The following PDE4B variants were observed in gnomAD, a reference collection of about 807,000 sequenced individuals.
The protein encoded by PDE4B is 3',5'-cyclic-AMP phosphodiesterase 4B.
Under a neutral mutation model 82.2 loss-of-function variants are expected in PDE4B, and 20 were observed. The ratio of observed to expected loss-of-function variants is 0.24; its 90% CI spans 0.17 to 0.35. PDE4B has a LOEUF of 0.35. Among genes scored for constraint, PDE4B ranks in the 10% least tolerant of loss-of-function variants. The pLI, the probability that PDE4B is intolerant of heterozygous loss-of-function variation, is 1.00. For synonymous variants in PDE4B, 320 were observed against 318.9 expected, an observed-to-expected ratio of 1.00 and a Z score of -0.04; for missense variants, 655 against 907.2, an observed-to-expected ratio of 0.72 and a Z score of 3.57.
intron 3 of PDE4B, among the ~76,000 whole-genome samples, chr1:65,975,158 G>A (rs1196899400): frequency 6.6e-6 from 1 of 152,208 alleles, no homozygotes; most frequent in African/African-American, 2.4e-5. Context: ...GGTGATCTTA[G>A]ATGGAAATGA....
intron 3 of PDE4B, among the ~76,000 whole-genome samples, chr1:66,226,989 C>G (rs964669964): frequency 6.2e-4 from 95 of 152,256 alleles, no homozygotes; most frequent in African/African-American, 2.1e-3. Flanking sequence ...ACAGGACTTG[C>G]TGATGTATTA....
At chr1:66,030,908 T>C (rs1653737259) in intron 3 of PDE4B, among the ~76,000 whole-genome samples, 1 of 152,136 alleles carries the variant, frequency 6.6e-6, no homozygotes, top group Admixed American at 6.5e-5. Flanking sequence ...GGGCTAAGCA[T>C]TTAATACTCA....
At chr1:66,113,557 G>A (rs1162342307) in intron 3 of PDE4B, among the ~76,000 whole-genome samples, 1 of 152,044 alleles carries the variant, frequency 6.6e-6, no homozygotes, top group Non-Finnish European at 1.5e-5. Context: ...GCATAAACAT[G>A]AATAAGAAAA....
intron 3 of PDE4B, among the ~76,000 whole-genome samples, chr1:66,172,326 C>T (rs1646852905): frequency 6.6e-6 from 1 of 152,080 alleles, no homozygotes; most frequent in South Asian, 2.1e-4. Flanking sequence ...GTATATGTAC[C>T]ACATTTTCTT....
chr1:66,096,000 C>A (rs149794732), intron 3 of PDE4B, among the ~76,000 whole-genome samples: 5 of 151,840 alleles, frequency 3.3e-5, no homozygotes, highest in African/African-American at 1.2e-4. Context: ...CATTATCCTC[C>A]TAACTTATCA....
intron 9 of PDE4B, among the ~76,000 whole-genome samples, chr1:66,357,921 T>C (rs17128828): frequency 0.041 from 6,218 of 152,246 alleles, 354 homozygotes; most frequent in African/African-American, 0.13. Context: ...AGATTCTCTG[T>C]GGTGAACCCT....
At chr1:65,851,891 G>A (rs1032724698) in intron 1 of PDE4B, among the ~76,000 whole-genome samples, 1 of 151,960 alleles carries the variant, frequency 6.6e-6, no homozygotes, top group African/African-American at 2.4e-5. Context: ...TGTTAGAAGA[G>A]TTTTTGATAG....
In PDE4B at chr1:66,089,522, G is replaced by T. The variant is rs548818246; in HGVS notation, c.282-157938G>T. 2.8e-3 allele frequency among the ~76,000 whole-genome samples: 432 copies of T among 152,148 alleles called. 5 individuals carry two copies. Among genetic ancestry groups the T allele is most frequent in the Non-Finnish European group, 4.8e-3 (324 of 67,978 alleles). Reference sequence around the variant, plus strand: ...TCACATTTATTAATGGCTGTCTTTAGATAAAGTTGTAAAATTAATTCACCT... The same window carrying T: ...TCACATTTATTAATGGCTGTCTTTATATAAAGTTGTAAAATTAATTCACCT... On this transcript the variant is annotated intron_variant, in intron 3 of 16. Coordinates refer to ENST00000341517, the MANE Select transcript of PDE4B (RefSeq NM_002600.4).
At chr1:66,034,934 G>A (rs1488800801) in intron 3 of PDE4B, among the ~76,000 whole-genome samples, 6 of 151,996 alleles carry the variant, frequency 3.9e-5, no homozygotes, top group Non-Finnish European at 5.9e-5. Flanking sequence ...GTGAGGATGG[G>A]GGACTGTTTA....
chr1:66,257,423 T>C (rs1412970407), intron 4 of PDE4B: 2 of 742,752 alleles, frequency 2.7e-6, no homozygotes, highest in Non-Finnish European at 5.0e-6. Flanking sequence ...CTTTTATGTG[T>C]AGTCACTGTA....
chr1:66,332,388 T>C, intron 7 of PDE4B, 120 bp from the exon 8 acceptor site: 1 of 1,613,686 alleles, frequency 6.2e-7, no homozygotes, highest in Non-Finnish European at 8.5e-7. Flanking sequence ...AGCGTGCAAA[T>C]AATGAAGGAG....
intron 3 of PDE4B, among the ~76,000 whole-genome samples, chr1:66,009,187 G>T (rs1652327044): frequency 6.6e-6 from 1 of 152,084 alleles, no homozygotes; most frequent in Admixed American, 6.6e-5. Flanking sequence ...AGAAATCTTG[G>T]AGTCTTGCAT....
chr1:66,351,984 C>T (rs1181300215), intron 8 of PDE4B, among the ~76,000 whole-genome samples: 4 of 152,180 alleles, frequency 2.6e-5, no homozygotes, highest in African/African-American at 4.8e-5. Context: ...CACCCCCCGC[C>T]GTCTGCTCCT....
At chr1:65,942,350 C>T (rs1441964122) in intron 3 of PDE4B, among the ~76,000 whole-genome samples, 2 of 151,932 alleles carry the variant, frequency 1.3e-5, no homozygotes, top group East Asian at 3.9e-4. Context: ...TCACAAATGA[C>T]AGAAATTCCT....
chr1:65,881,448 T>C (rs889261889), intron 1 of PDE4B, among the ~76,000 whole-genome samples: 1 of 152,172 alleles, frequency 6.6e-6, no homozygotes, highest in Non-Finnish European at 1.5e-5. Flanking sequence ...CAGACCTGCT[T>C]CCTGTCCTCA....
chr1:66,252,703 T>C lies in PDE4B; in HGVS notation c.477-4944T>C, dbSNP rs1339154271. 4.6e-5 allele frequency among the ~76,000 whole-genome samples: 7 copies of C among 152,272 alleles called. 1 individual carries two copies. The South Asian group carries it at 1.2e-3, about 27-fold the overall frequency. ...GTGGTGGCCTGTAATCCCAGCACTT[T>C]GGGAGGCTAAGGTGGGTGGATCGCT... On this transcript the variant is annotated intron_variant, in intron 4 of 16. Transcript: ENST00000341517.
chr1:66,081,198 T>TTTAG, intron 3 of PDE4B, among the ~76,000 whole-genome samples: 1 of 152,254 alleles, frequency 6.6e-6, no homozygotes, highest in Admixed American at 6.6e-5. Flanking sequence ...AAAATTGCTG[T>TTTAG]TTAGTCATAA....
intron 3 of PDE4B, among the ~76,000 whole-genome samples, chr1:66,057,088 T>G (rs1025337446): frequency 1.3e-5 from 2 of 152,212 alleles, no homozygotes; most frequent in Non-Finnish European, 2.9e-5. Flanking sequence ...AATATAAGCT[T>G]AAATTATCAT....
intron 13 of PDE4B, among the ~76,000 whole-genome samples, chr1:66,366,839 CA>C (rs1026357132): frequency 4.6e-5 from 7 of 152,002 alleles, no homozygotes; most frequent in African/African-American, 1.7e-4. Context: ...ACAGGATGAA[CA>C]AAACAAGAGT....
Sources: allele counts gnomAD v4.1 joint callset (sites outside exome capture counted in the v4.1 genomes callset), GRCh38; gene constraint gnomAD v4.1.1; transcripts MANE v1.5; gene names NCBI Gene and HGNC (gene_info 2026-07-23, HGNC 2026-07-21).